Variants in CLASP2 observed in about 807,000 individuals in gnomAD.
The protein encoded by CLASP2 is cytoplasmic linker associated protein 2, also known as CLIP-associating protein 2.
In CLASP2, 47 loss-of-function variants were observed where a neutral mutation model predicts 194.4. That is an observed-to-expected ratio of 0.24 (90% CI 0.19 to 0.31). The LOEUF (loss-of-function observed/expected upper bound fraction) is 0.31. Among genes scored for constraint, CLASP2 ranks in the 10% least tolerant of loss-of-function variants. The pLI, the probability that CLASP2 is intolerant of heterozygous loss-of-function variation, is 1.00. For missense variants in CLASP2, 1,445 were observed against 1,823.6 expected (o/e 0.79, Z 3.78); for synonymous variants, 619 against 633.5 (o/e 0.98, Z 0.34).
At chr3:33,688,949 C>T (rs1015316227) in intron 3 of CLASP2, among the ~76,000 whole-genome samples, 3 of 152,054 alleles carry the variant, frequency 2.0e-5, no homozygotes, top group African/African-American at 7.2e-5. Flanking sequence ...TTATTCTGGG[C>T]GTAACAAGAA....
rs774980404 is a variant in CLASP2 at position 33,663,461 on chromosome 3, A to G, written c.699T>C (p.Ile233=). 1.2e-5 allele frequency: 20 copies of G among 1,612,388 alleles called. No homozygotes were observed. In the African/African-American group the frequency reaches 2.0e-4, roughly 16 times the overall value. ...TACTCTTACCTTTGCAGACACTCAA[A>G]ATCATACCGCCTGAACTTTGCACTT... ...FDEVQSSGGM[I]LSVCKDKSFD... Residue 233 remains isoleucine, a synonymous_variant, in exon 7 of 39, where the codon ATT becomes ATC. Coordinates refer to ENST00000682230, the MANE Select transcript of CLASP2 (RefSeq NM_001365631.1).
At chr3:33,597,373 G>A (rs1340872299) in intron 18 of CLASP2, among the ~76,000 whole-genome samples, 2 of 152,154 alleles carry the variant, frequency 1.3e-5, no homozygotes, top group Non-Finnish European at 2.9e-5. Flanking sequence ...ATTTAACATA[G>A]CAGGACTGAT....
At position 33,651,657 on chromosome 3, in the gene CLASP2, CTTTTTTTTT is replaced by C. The variant is rs1213189049; in HGVS notation, c.716-6763_716-6755del. On this transcript the variant is annotated intron_variant, in intron 7 of 38. Transcript: ENST00000682230. The stretch of plus-strand genomic sequence containing the variant: ...ATGGCTTTTTAAACTTTCCACCTCA[CTTTTTTTTT>C]TTTTTTTTTTGAGACAGTGTTTTGC... Among the ~76,000 whole-genome samples, 87 of 119,610 alleles carry C rather than the reference CTTTTTTTTT, an allele frequency of 7.3e-4. 1 individual carries two copies. The highest frequency in any genetic ancestry group is 1.2e-4 in the Non-Finnish European group (7 of 59,032). 78.5% of individuals were successfully genotyped at this position (119,610 alleles called of 152,430 possible).
intron 1 of CLASP2, among the ~76,000 whole-genome samples, chr3:33,714,069 A>C (rs1288605879): frequency 1.3e-5 from 2 of 152,234 alleles, no homozygotes; most frequent in Admixed American, 1.3e-4. Flanking sequence ...CTACAAAAAA[A>C]GGAAAATAAT....
At chr3:33,697,092 CTAA>C (rs1432341893) in intron 1 of CLASP2, among the ~76,000 whole-genome samples, 159 bp from the exon 2 acceptor site, 1 of 152,058 alleles carries the variant, frequency 6.6e-6, no homozygotes, top group Non-Finnish European at 1.5e-5. Flanking sequence ...GTTAAGCACC[CTAA>C]TCTCAAATGA....
chr3:33,569,626 A>T (rs529492668), intron 26 of CLASP2, among the ~76,000 whole-genome samples: 5 of 152,152 alleles, frequency 3.3e-5, no homozygotes, highest in African/African-American at 1.2e-4. Context: ...TTCAATTATA[A>T]GTTACAAACT....
intron 25 of CLASP2, among the ~76,000 whole-genome samples, chr3:33,571,884 T>G (rs9849641): frequency 0.25 from 38,526 of 151,934 alleles, 5,486 homozygotes; most frequent in African/African-American, 0.36. Flanking sequence ...ACCAGTCAGG[T>G]CTAAATACAA....
Position 33,606,624 on chromosome 3 carries a change from T to A in CLASP2, c.1661A>T (p.Asp554Val). ...TTCCTGTGAGCTGGATGAGGACCTG[T>A]CTGATTGTGGAAGAGATGCTACACT... ...SGSVASLPQS[D>V]RSSSSSQESL... Residue 554 changes from aspartate to valine, a missense_variant, in exon 16 of 39, where the codon GAC (aspartate) becomes GTC (valine). Physicochemically the swap from Asp to Val is radical, Grantham distance 152. Transcript: ENST00000682230. 1 of 1,613,780 alleles carries A rather than the reference T, an allele frequency of 6.2e-7. No individual in the cohort carries two copies. Among genetic ancestry groups the A allele is most frequent in the Non-Finnish European group, 8.5e-7 (1 of 1,179,776 alleles).
chr3:33,666,651 T>C (rs1559577887), intron 6 of CLASP2, among the ~76,000 whole-genome samples: 1 of 152,220 alleles, frequency 6.6e-6, no homozygotes, highest in Non-Finnish European at 1.5e-5. Flanking sequence ...TTGGCTATTA[T>C]AAATAATGCT....
At chr3:33,631,674 G>T (rs1393268301) in intron 9 of CLASP2, among the ~76,000 whole-genome samples, 1 of 148,508 alleles carries the variant, frequency 6.7e-6, no homozygotes, top group Non-Finnish European at 1.5e-5. Flanking sequence ...TCCAGTCTGG[G>T]CAACAGAGCT....
At chr3:33,571,256 G>A (rs1443267191) in intron 25 of CLASP2, among the ~76,000 whole-genome samples, 7 of 146,692 alleles carry the variant, frequency 4.8e-5, no homozygotes, top group African/African-American at 1.5e-4. Flanking sequence ...CTCATGATCC[G>A]CCCGCCTCAG....
chr3:33,697,273 G>C (rs555725245), intron 1 of CLASP2, among the ~76,000 whole-genome samples: 2 of 152,142 alleles, frequency 1.3e-5, no homozygotes, highest in Non-Finnish European at 2.9e-5. Context: ...TGTATCATCA[G>C]GTAATTTTGT....
intron 32 of CLASP2, among the ~76,000 whole-genome samples, chr3:33,542,192 T>G (rs1189420323): frequency 1.3e-5 from 2 of 152,110 alleles, no homozygotes; most frequent in Non-Finnish European, 1.5e-5. Context: ...ATCTAGCTCA[T>G]GCTTGAATCA....
intron 37 of CLASP2, chr3:33,504,915 A>ATT (rs2047720507): frequency 7.1e-6 from 1 of 140,298 alleles, no homozygotes; most frequent in African/African-American, 2.5e-5. Flanking sequence ...GCCATGGATC[A>ATT]GTACCAGTCC....
At chr3:33,672,334 G>A (rs940853077) in intron 6 of CLASP2, among the ~76,000 whole-genome samples, 24 of 152,224 alleles carry the variant, frequency 1.6e-4, no homozygotes, top group Non-Finnish European at 3.1e-4. Flanking sequence ...CAGGCAAACA[G>A]GGTCTGGAGT....
At chr3:33,538,689 A>G in intron 33 of CLASP2, 100 bp downstream of exon 33, 1 of 1,000,502 alleles carries the variant, frequency 1.0e-6, no homozygotes, top group Non-Finnish European at 1.4e-6. Flanking sequence ...ACTGATCCCT[A>G]GAAAAGTATA....
At chr3:33,691,543 A>C (rs926271002) in intron 2 of CLASP2, among the ~76,000 whole-genome samples, 7 of 152,212 alleles carry the variant, frequency 4.6e-5, no homozygotes, top group African/African-American at 1.7e-4. Context: ...CATAAGAATC[A>C]TAAGTCTAAT....
At chr3:33,673,225 C>A (rs1401203056) in intron 6 of CLASP2, among the ~76,000 whole-genome samples, 5 of 152,218 alleles carry the variant, frequency 3.3e-5, no homozygotes, top group Non-Finnish European at 7.3e-5. Flanking sequence ...GGAAGCCCAA[C>A]AGACTAACAG....
intron 34 of CLASP2, among the ~76,000 whole-genome samples, chr3:33,531,998 G>A (rs1416005532): frequency 2.0e-5 from 3 of 152,148 alleles, no homozygotes; most frequent in Admixed American, 1.3e-4. Context: ...ACTACCATAT[G>A]ATCCAGCAAT....
Sources: gnomAD v4.1 joint callset for allele counts (sites outside exome capture counted in the v4.1 genomes callset) on GRCh38, gnomAD v4.1.1 for gene constraint, MANE v1.5 for transcripts, NCBI Gene and HGNC (gene_info 2026-07-23, HGNC 2026-07-21) for gene names.